DSCAM: variants seen among roughly 807,000 people sequenced by gnomAD.
The protein encoded by DSCAM is DS cell adhesion molecule, also known as cell adhesion molecule DSCAM.
DSCAM carries 47 observed loss-of-function variants against 217.7 expected under a neutral mutation model. The ratio of observed to expected loss-of-function variants is 0.22; its 90% CI spans 0.17 to 0.28. The LOEUF (loss-of-function observed/expected upper bound fraction) is 0.28. Ranked by LOEUF, DSCAM falls within the 10% of genes least tolerant of loss-of-function variation. The pLI, the probability that DSCAM is intolerant of heterozygous loss-of-function variation, is 1.00. For synonymous variants in DSCAM, 1,056 were observed against 1,015.3 expected, an observed-to-expected ratio of 1.04 and a Z score of -0.76; for missense variants, 2,080 against 2,618.3, an observed-to-expected ratio of 0.79 and a Z score of 4.49.
intron 15 of DSCAM, among the ~76,000 whole-genome samples, chr21:40,172,951 T>G (rs942676060): frequency 2.6e-5 from 4 of 152,134 alleles, no homozygotes; most frequent in African/African-American, 9.7e-5. Flanking sequence ...AAAATCAAAA[T>G]ACGACAAAGA....
intron 3 of DSCAM, among the ~76,000 whole-genome samples, chr21:40,422,954 T>G (rs1043258860): frequency 9.8e-5 from 15 of 152,338 alleles, no homozygotes; most frequent in Non-Finnish European, 1.8e-4. Flanking sequence ...ATTTTATCAG[T>G]AAAGGTTAAG....
chr21:40,626,917 A>G (rs2089608788), intron 3 of DSCAM, among the ~76,000 whole-genome samples: 1 of 152,240 alleles, frequency 6.6e-6, no homozygotes, highest in African/African-American at 2.4e-5. Context: ...TGAAAACTTG[A>G]TTCATAAGAA....
At chr21:40,498,469 A>C (rs901109477) in intron 3 of DSCAM, among the ~76,000 whole-genome samples, 11 of 151,760 alleles carry the variant, frequency 7.2e-5, no homozygotes, top group Admixed American at 1.3e-4. Flanking sequence ...GATTGGAAGA[A>C]AGGTGGTAGA....
intron 4 of DSCAM, among the ~76,000 whole-genome samples, chr21:40,365,563 C>A (rs1036536093): frequency 2.6e-5 from 4 of 152,138 alleles, no homozygotes; most frequent in African/African-American, 9.7e-5. Context: ...ATATATACAT[C>A]TATCCTATTA....
Position 40,548,033 on chromosome 21 carries a change from T to C in DSCAM, c.508+144777A>G, listed in dbSNP as rs528024827. 5.3e-5 allele frequency among the ~76,000 whole-genome samples: 8 copies of C among 152,330 alleles called. No homozygotes were observed. In the South Asian group the frequency reaches 6.2e-4, roughly 12 times the overall value. On this transcript the variant is annotated intron_variant, in intron 3 of 32. Coordinates refer to ENST00000400454, the MANE Select transcript of DSCAM (RefSeq NM_001389.5). ...AATTTTTTAGTGACAAGTGGCATGTTAGCAGAGCTGCGGAGGAGCGGGGAG... is the reference window on the plus strand; with the variant it reads ...AATTTTTTAGTGACAAGTGGCATGTCAGCAGAGCTGCGGAGGAGCGGGGAG...
chr21:40,579,464 A>T (rs1464434687), intron 3 of DSCAM, among the ~76,000 whole-genome samples: 1 of 152,168 alleles, frequency 6.6e-6, no homozygotes, highest in African/African-American at 2.4e-5. Context: ...GAGACCTGGA[A>T]GAAGACGAAA....
chr21:40,740,956 A>G (rs903270533), intron 1 of DSCAM, among the ~76,000 whole-genome samples: 1 of 152,230 alleles, frequency 6.6e-6, no homozygotes, highest in African/African-American at 2.4e-5. Context: ...CTGATTGACA[A>G]TATCTTAGCT....
intron 1 of DSCAM, among the ~76,000 whole-genome samples, chr21:40,796,717 A>G (rs972398971): frequency 1.1e-4 from 17 of 152,204 alleles, no homozygotes; most frequent in African/African-American, 3.4e-4. Flanking sequence ...CTCCCACCCA[A>G]GAATCTGCAT....
chr21:40,830,377 C>T (rs1024398926), intron 1 of DSCAM, among the ~76,000 whole-genome samples: 2 of 152,256 alleles, frequency 1.3e-5, no homozygotes, highest in African/African-American at 2.4e-5. Flanking sequence ...TAATGGATGG[C>T]GCCAAGCCGT....
At chr21:40,546,066 A>G (rs1219613661) in intron 3 of DSCAM, among the ~76,000 whole-genome samples, 1 of 152,242 alleles carries the variant, frequency 6.6e-6, no homozygotes, top group Non-Finnish European at 1.5e-5. Flanking sequence ...CTGGCAGTGC[A>G]TAGGCACTCA....
At chr21:40,391,877 G>A (rs1601608508) in intron 3 of DSCAM, among the ~76,000 whole-genome samples, 1 of 152,176 alleles carries the variant, frequency 6.6e-6, no homozygotes, top group East Asian at 1.9e-4. Context: ...GTGACTCTGG[G>A]TCATCTCACA....
intron 9 of DSCAM, among the ~76,000 whole-genome samples, chr21:40,302,816 AAC>A (rs1401489344): frequency 6.6e-6 from 1 of 152,206 alleles, no homozygotes; most frequent in Non-Finnish European, 1.5e-5. Flanking sequence ...GGTTGTTTAA[AAC>A]ACAGAGGTCT....
intron 8 of DSCAM, among the ~76,000 whole-genome samples, chr21:40,327,123 T>C: frequency 6.6e-6 from 1 of 152,074 alleles, no homozygotes; most frequent in African/African-American, 2.4e-5. Context: ...ATTTCTGACT[T>C]AAAATGTCAT....
chr21:40,319,178 T>C (rs1313147121), intron 8 of DSCAM, among the ~76,000 whole-genome samples: 1 of 152,150 alleles, frequency 6.6e-6, no homozygotes, highest in African/African-American at 2.4e-5. Context: ...TTTGATAAAT[T>C]TACATCTTTT....
At chr21:40,446,131 A>C (rs1304132762) in intron 3 of DSCAM, among the ~76,000 whole-genome samples, 2 of 152,212 alleles carry the variant, frequency 1.3e-5, no homozygotes, top group Non-Finnish European at 2.9e-5. Context: ...TGATGTCAAG[A>C]ATACCTAAAA....
intron 11 of DSCAM, among the ~76,000 whole-genome samples, chr21:40,206,686 CAA>C (rs537702443): frequency 6.1e-5 from 8 of 130,658 alleles, no homozygotes; most frequent in Admixed American, 1.5e-4. Context: ...TGGGATTTGC[CAA>C]AAAAAAAAAA....
At chr21:40,638,650 G>C (rs1261783537) in intron 3 of DSCAM, among the ~76,000 whole-genome samples, 1 of 152,168 alleles carries the variant, frequency 6.6e-6, no homozygotes, top group Admixed American at 6.5e-5. Flanking sequence ...TACGGAATGG[G>C]TAGTACTCAC....
chr21:40,272,630 G>A (rs1355635892), intron 11 of DSCAM, among the ~76,000 whole-genome samples: 1 of 152,142 alleles, frequency 6.6e-6, no homozygotes, highest in Non-Finnish European at 1.5e-5. Context: ...CCAGAAGCAG[G>A]TCCTATCCGG....
chr21:40,392,657 C>A (rs1037006650), intron 3 of DSCAM, among the ~76,000 whole-genome samples: 1 of 152,184 alleles, frequency 6.6e-6, no homozygotes, highest in Admixed American at 6.5e-5. Context: ...GAAGCCACCA[C>A]GTACAGAACG....
Sources: gnomAD v4.1 joint callset for allele counts (sites outside exome capture counted in the v4.1 genomes callset) on GRCh38, gnomAD v4.1.1 for gene constraint, MANE v1.5 for transcripts, NCBI Gene and HGNC (gene_info 2026-07-23, HGNC 2026-07-21) for gene names.